COL4A1: variants seen among roughly 807,000 people sequenced by gnomAD.
COL4A1 encodes the protein collagen type IV alpha 1 chain, also known as collagen alpha-1(IV) chain.
COL4A1 carries 40 observed loss-of-function variants against 216.6 expected under a neutral mutation model. The ratio of observed to expected loss-of-function variants is 0.18; its 90% CI spans 0.14 to 0.24. The LOEUF (loss-of-function observed/expected upper bound fraction) is 0.24. Among genes scored for constraint, COL4A1 ranks in the 10% least tolerant of loss-of-function variants. The pLI is 1.00. For synonymous variants in COL4A1, 839 were observed against 810.7 expected (o/e 1.03, Z -0.59); for missense variants, 1,628 against 2,196.8 (o/e 0.74, Z 5.18).
At chr13:110,228,237 C>CCG (rs1325156253) in intron 2 of COL4A1, among the ~76,000 whole-genome samples, 1 of 118,998 alleles carries the variant, frequency 8.4e-6, no homozygotes, top group Non-Finnish European at 1.7e-5. Context: ...GGTGCGGGGG[C>CCG]GGGGGGGGGG....
At position 110,225,444 on chromosome 13, in the gene COL4A1, G is replaced by A. The variant is rs144762111; in HGVS notation, c.145-11429C>T. ...CTAAAAATACAAAAATTAGCCCAGC[G>A]TGGTGGCACACGCCTGTAATCTCAG... On this transcript the variant is annotated intron_variant, in intron 2 of 51. Transcript: ENST00000375820. Among the ~76,000 whole-genome samples the A allele has an allele frequency of 5.7e-3, 866 of 152,288 alleles. 6 individuals carry two copies. The highest frequency in any genetic ancestry group is 8.3e-3 in the Non-Finnish European group (563 of 68,022).
chr13:110,175,878 G>A (rs555168725), intron 36 of COL4A1, among the ~76,000 whole-genome samples: 2 of 152,184 alleles, frequency 1.3e-5, no homozygotes, highest in African/African-American at 4.8e-5. Context: ...AAGAGGAGAT[G>A]GAAAGATGGG....
chr13:110,158,536 A>G (rs1032913720), intron 49 of COL4A1, among the ~76,000 whole-genome samples: 3 of 151,992 alleles, frequency 2.0e-5, no homozygotes, highest in Non-Finnish European at 4.4e-5. Context: ...TGTTGAATGT[A>G]GGGCACTTCC....
intron 1 of COL4A1, among the ~76,000 whole-genome samples, chr13:110,248,823 T>TCA (rs1159435875): frequency 6.6e-6 from 1 of 152,140 alleles, no homozygotes; most frequent in Non-Finnish European, 1.5e-5. Flanking sequence ...TCCACTTCAT[T>TCA]CACACACACA....
intron 43 of COL4A1, 142 bp from the exon 44 acceptor site, chr13:110,167,372 T>G: frequency 1.3e-6 from 1 of 748,660 alleles, no homozygotes; most frequent in Non-Finnish European, 2.4e-6. Flanking sequence ...TGTGGTTTCT[T>G]AAATGACAGA....
chr13:110,209,620 A>G (rs1242328274), intron 10 of COL4A1, among the ~76,000 whole-genome samples, 193 bp from the exon 11 acceptor site: 1 of 151,972 alleles, frequency 6.6e-6, no homozygotes, highest in South Asian at 2.1e-4. Context: ...ACCAATACCA[A>G]TCCATCTCCC....
At chr13:110,260,031 C>T (rs1464571224) in intron 1 of COL4A1, among the ~76,000 whole-genome samples, 1 of 152,226 alleles carries the variant, frequency 6.6e-6, no homozygotes, top group African/African-American at 2.4e-5. Context: ...CTCTCATTCA[C>T]TCTGAAGTCA....
intron 1 of COL4A1, among the ~76,000 whole-genome samples, chr13:110,296,229 G>A (rs1052149425): frequency 2.5e-4 from 38 of 152,178 alleles, no homozygotes; most frequent in Admixed American, 2.3e-3. Flanking sequence ...GTTTCAATTT[G>A]CTTTTGTTCA....
At chr13:110,222,698 G>A (rs1254444146) in intron 2 of COL4A1, among the ~76,000 whole-genome samples, 2 of 143,412 alleles carry the variant, frequency 1.4e-5, no homozygotes, top group Non-Finnish European at 3.0e-5. Context: ...GCATGAACCA[G>A]GGAGGCAGAG....
chr13:110,285,553 G>T (rs1335426570), intron 1 of COL4A1, among the ~76,000 whole-genome samples: 1 of 152,206 alleles, frequency 6.6e-6, no homozygotes, highest in African/African-American at 2.4e-5. Context: ...TGGTGAAACG[G>T]TATTTCTGGG....
At position 110,169,927 on chromosome 13, in the gene COL4A1, AGGAG is replaced by A. The variant is rs779170796; in HGVS notation, c.3743-169_3743-166del. Among the ~76,000 whole-genome samples, 27 of 73,032 alleles carry A rather than the reference AGGAG, an allele frequency of 3.7e-4. No homozygotes were observed. In the East Asian group the frequency reaches 0.01, roughly 28 times the overall value. The allele number at this position is 73,032 out of a possible 152,430, so 47.9% of individuals were successfully genotyped here. A position where few individuals can be genotyped will look rare whatever the true frequency, so the allele number is the denominator to read the frequency against. ...TCGAGGCAGGTCCAGGAAGGAAGGAAGGAGGGAGGGAGGGAGGGAATAGAAACAC... is the reference window on the plus strand; with the variant it reads ...TCGAGGCAGGTCCAGGAAGGAAGGAAGGAGGGAGGGAGGGAATAGAAACAC... On this transcript the variant is annotated intron_variant, in intron 42 of 51. Coordinates refer to ENST00000375820, the MANE Select transcript of COL4A1 (RefSeq NM_001845.6).
chr13:110,183,335 GGGA>G, intron 26 of COL4A1, 59 bp from the exon 27 acceptor site: 1 of 1,525,854 alleles, frequency 6.6e-7, no homozygotes, highest in South Asian at 1.2e-5. Context: ...ACGGAACACA[GGGA>G]GGACACGCAG....
At chr13:110,300,871 A>G (rs560843636) in intron 1 of COL4A1, among the ~76,000 whole-genome samples, 2 of 152,352 alleles carry the variant, frequency 1.3e-5, no homozygotes, top group East Asian at 3.9e-4. Flanking sequence ...CAAAAGCCCA[A>G]GTGGCCTGGA....
chr13:110,251,053 C>T (rs1882050909), intron 1 of COL4A1, among the ~76,000 whole-genome samples: 1 of 152,246 alleles, frequency 6.6e-6, no homozygotes, highest in Non-Finnish European at 1.5e-5. Context: ...CTTCATTCCA[C>T]CAGTGCCTAT....
Position 110,213,960 on chromosome 13 carries a change from C to A in COL4A1, c.200G>T (p.Gly67Val). The A allele has an allele frequency of 6.2e-7, 1 of 1,614,086 alleles. No homozygotes were observed. The highest frequency in any genetic ancestry group is 8.5e-7 in the Non-Finnish European group (1 of 1,180,024). ...TGGTGGTCCCTGTGGCCCCTCAGGT[C>A]CTTGCATTCCAGGAAACCCAATGAC... ...QGVIGFPGMQ[G>V]PEGPQGPPGQ... is the part of the protein sequence containing the mutation. Residue 67 changes from glycine to valine, a missense_variant, in exon 3 of 52, where the codon GGA becomes GTA. Gly to Val is a moderately radical substitution (Grantham distance 109). Coordinates refer to ENST00000375820, the MANE Select transcript of COL4A1 (RefSeq NM_001845.6).
chr13:110,268,365 G>C lies in COL4A1; in HGVS notation c.85-25631C>G, dbSNP rs1340830043. 6.6e-6 allele frequency among the ~76,000 whole-genome samples: 1 copy of C among 152,222 alleles called. No homozygotes were observed. The highest frequency in any genetic ancestry group is 1.5e-5 in the Non-Finnish European group (1 of 68,046). On this transcript the variant is annotated intron_variant, in intron 1 of 51. Transcript: ENST00000375820. The surrounding 1 kb of genome is among the most constrained non-coding windows in gnomAD (Gnocchi z 4.1). ...AAGATGGCAGGGATTTCTTGGGTGG[G>C]GAGGGGAGGGAAAGGGAGGTGAGTA...
intron 2 of COL4A1, among the ~76,000 whole-genome samples, chr13:110,228,069 C>T (rs1263827324): frequency 6.6e-6 from 1 of 152,184 alleles, no homozygotes; most frequent in Non-Finnish European, 1.5e-5. Flanking sequence ...GAAAGGGATG[C>T]ACAGGGACAT....
chr13:110,206,638 G>A (rs1213324016), intron 15 of COL4A1, 27 bp downstream of exon 15: 1 of 1,612,954 alleles, frequency 6.2e-7, no homozygotes, highest in Non-Finnish European at 8.5e-7. Flanking sequence ...ATTGTTTTAT[G>A]ATAAAAGGAC....
chr13:110,224,856 G>A lies in COL4A1; in HGVS notation c.145-10841C>T, dbSNP rs565650561. Among the ~76,000 whole-genome samples, 10 of 152,168 alleles carry A rather than the reference G, an allele frequency of 6.6e-5. No homozygotes were observed. The South Asian group carries it at 1.9e-3, about 28-fold the overall frequency. ...CAGCAAAGGCAGGAAACACCACAAG[G>A]TAGGTGATGGATTTTTTTTTTCTTT... is the stretch of plus-strand genomic sequence containing the variant. On this transcript the variant is annotated intron_variant, in intron 2 of 51. Transcript: ENST00000375820.
Sources: allele counts gnomAD v4.1 joint callset (sites outside exome capture counted in the v4.1 genomes callset), GRCh38; gene constraint gnomAD v4.1.1; non-coding constraint Gnocchi (gnomAD v3.1); transcripts MANE v1.5; gene names NCBI Gene and HGNC (gene_info 2026-07-23, HGNC 2026-07-21).